Variants in BIRC6 observed in about 807,000 individuals in gnomAD.
BIRC6 encodes baculoviral IAP repeat containing 6, also known as dual E2 ubiquitin-conjugating enzyme/E3 ubiquitin-protein ligase BIRC6.
BIRC6 carries 98 observed loss-of-function variants against 503.3 expected under a neutral mutation model. The observed-to-expected ratio is 0.19, with a 90% CI of 0.17 to 0.23. BIRC6 has a LOEUF of 0.23. BIRC6 is among the 10% of genes least tolerant of loss of function. BIRC6 has a pLI of 1.00. For missense variants in BIRC6, 5,360 were observed against 5,806.0 expected (o/e 0.92, Z 2.50); for synonymous variants, 2,240 against 2,078.7 (o/e 1.08, Z -2.11).
chr2:32,606,730 G>A (rs929702788), intron 71 of BIRC6, among the ~76,000 whole-genome samples: 2 of 152,008 alleles, frequency 1.3e-5, no homozygotes, highest in Non-Finnish European at 2.9e-5. Context: ...GCTAGGCCAG[G>A]CACAGTGGCT....
intron 59 of BIRC6, chr2:32,527,781 T>C (rs777704373): frequency 6.6e-6 from 1 of 152,236 alleles, no homozygotes; most frequent in Non-Finnish European, 1.5e-5. Flanking sequence ...TTGATAATAA[T>C]GCTTCAGTTA....
Position 32,471,082 on chromosome 2 carries a change from A to G in BIRC6, c.6550A>G (p.Thr2184Ala), listed in dbSNP as rs377184863. 70 of 1,582,344 alleles carry G rather than the reference A, an allele frequency of 4.4e-5. No individual in the cohort carries two copies. The Middle Eastern group carries it at 5.0e-4, about 11-fold the overall frequency. The change falls in exon 32 of 74, where the codon ACT (threonine) becomes GCT (alanine). Residue 2184 changes from threonine to alanine, a missense_variant. Coordinates refer to ENST00000421745, the MANE Select transcript of BIRC6 (RefSeq NM_016252.4). Reference sequence around the variant, plus strand: ...GTCCAGGTTGCTGGATTATGTGGCAACTGTTGAAGATGAAGCAGCAGCTGC... The same window carrying G: ...GTCCAGGTTGCTGGATTATGTGGCAGCTGTTGAAGATGAAGCAGCAGCTGC... ...LVSRLLDYVATVEDEAAAAKK... is the reference protein window; with the variant it reads ...LVSRLLDYVAAVEDEAAAAKK...
At chr2:32,503,319 TTGA>T (rs1447955327) in intron 49 of BIRC6, 83 bp downstream of exon 49, 6 of 1,151,934 alleles carry the variant, frequency 5.2e-6, no homozygotes, top group South Asian at 1.6e-5. Context: ...TTGAAGTCAG[TTGA>T]TGATGTTATA....
chr2:32,552,106 T>C (rs1055239858), intron 65 of BIRC6, among the ~76,000 whole-genome samples: 1 of 152,226 alleles, frequency 6.6e-6, no homozygotes, highest in African/African-American at 2.4e-5. Context: ...CACACTAGTT[T>C]ATGCCTTCCT....
Position 32,611,415 on chromosome 2 carries a change from C to T in BIRC6, c.14260-33C>T, listed in dbSNP as rs760260430. On this transcript the variant is annotated intron_variant, in intron 72 of 73. Transcript: ENST00000421745. ...TGTGTCTTTTAAATTTGACTGTAAA[C>T]ACTGCTTGTTCTCCTGTTTACTTTT... The T allele has an allele frequency of 5.1e-6, 8 of 1,564,676 alleles. No homozygotes were observed. In the South Asian group the frequency reaches 9.7e-5, roughly 19 times the overall value.
intron 45 of BIRC6, among the ~76,000 whole-genome samples, chr2:32,494,018 A>G (rs1186456397): frequency 6.6e-6 from 1 of 152,172 alleles, no homozygotes; most frequent in Non-Finnish European, 1.5e-5. Flanking sequence ...GAAAACCTGA[A>G]AAATAGAGCT....
intron 10 of BIRC6, among the ~76,000 whole-genome samples, chr2:32,420,196 G>A (rs1033615176): frequency 1.3e-5 from 2 of 152,194 alleles, no homozygotes; most frequent in South Asian, 4.1e-4. Context: ...ATCTTTATCT[G>A]GTTTTGATAT....
chr2:32,426,842 C>G (rs1314962018), intron 10 of BIRC6, among the ~76,000 whole-genome samples: 3 of 152,148 alleles, frequency 2.0e-5, no homozygotes, highest in Admixed American at 6.5e-5. Flanking sequence ...ATAAAGTTCT[C>G]TCAGTCTTTG....
intron 72 of BIRC6, among the ~76,000 whole-genome samples, chr2:32,610,362 A>G (rs2062780665): frequency 6.6e-6 from 1 of 152,244 alleles, no homozygotes; most frequent in African/African-American, 2.4e-5. Context: ...CAGTTTTTCA[A>G]AGATAGAATT....
intron 10 of BIRC6, among the ~76,000 whole-genome samples, chr2:32,416,694 GT>G: frequency 6.6e-6 from 1 of 152,084 alleles, no homozygotes; most frequent in Admixed American, 6.6e-5. Context: ...TAGTGAATTA[GT>G]TTTGCAAATT....
At chr2:32,395,024 C>T (rs960219046) in intron 5 of BIRC6, among the ~76,000 whole-genome samples, 2 of 152,058 alleles carry the variant, frequency 1.3e-5, no homozygotes, top group African/African-American at 4.8e-5. Context: ...TGGTGGCAGG[C>T]GCCTGTAGTC....
chr2:32,479,675 T>C, intron 37 of BIRC6, 58 bp downstream of exon 37: 1 of 1,371,650 alleles, frequency 7.3e-7, no homozygotes, highest in Non-Finnish European at 9.9e-7. Flanking sequence ...TGTTTCAAAA[T>C]AAAGAATGTT....
At chr2:32,487,072 A>C (rs2051083042) in intron 40 of BIRC6, among the ~76,000 whole-genome samples, 1 of 152,038 alleles carries the variant, frequency 6.6e-6, no homozygotes, top group Non-Finnish European at 1.5e-5. Context: ...TTATCTTTTG[A>C]TTATCCTGCA....
intron 65 of BIRC6, among the ~76,000 whole-genome samples, chr2:32,552,338 T>C (rs1473596029): frequency 6.6e-6 from 1 of 152,224 alleles, no homozygotes; most frequent in Non-Finnish European, 1.5e-5. Context: ...ATGAGTTTAC[T>C]ATGTAGCTGG....
At chr2:32,369,667 A>G (rs1271837491) in intron 1 of BIRC6, among the ~76,000 whole-genome samples, 2 of 151,644 alleles carry the variant, frequency 1.3e-5, no homozygotes. Context: ...ACCTCAAGTG[A>G]TCCGCCCACC....
At chr2:32,475,623 C>T (rs1027601091) in intron 33 of BIRC6, among the ~76,000 whole-genome samples, 10 of 152,162 alleles carry the variant, frequency 6.6e-5, no homozygotes, top group African/African-American at 2.2e-4. Context: ...TTGGCAAATT[C>T]TGTCAATGTC....
intron 1 of BIRC6, among the ~76,000 whole-genome samples, chr2:32,375,012 C>G (rs979465575): frequency 4.6e-5 from 7 of 152,090 alleles, no homozygotes; most frequent in African/African-American, 1.4e-4. Context: ...ATTATTTAGG[C>G]TTTTGATTTG....
intron 66 of BIRC6, chr2:32,591,032 A>G: frequency 2.1e-6 from 2 of 942,574 alleles, no homozygotes; most frequent in Non-Finnish European, 2.5e-6. Context: ...GTAACCTGCA[A>G]CTTTTATAGA....
chr2:32,617,656 G>T (rs942194106), intron 73 of BIRC6, 69 bp from the exon 74 acceptor site: 18 of 1,471,128 alleles, frequency 1.2e-5, no homozygotes, highest in Non-Finnish European at 1.5e-5. Context: ...TTGAAATTCA[G>T]TTCCTGCCTC....
Sources: allele counts gnomAD v4.1 joint callset (sites outside exome capture counted in the v4.1 genomes callset), GRCh38; gene constraint gnomAD v4.1.1; transcripts MANE v1.5; gene names NCBI Gene and HGNC (gene_info 2026-07-23, HGNC 2026-07-21).